Variants in SNX16 observed in about 807,000 individuals in gnomAD.
The protein encoded by SNX16 is sorting nexin 16, also known as sorting nexin-16.
A neutral mutation model predicts 36.7 loss-of-function variants in SNX16; 35 were observed. That is an observed-to-expected ratio of 0.95 (90% confidence interval 0.73 to 1.27). The LOEUF is 1.27. SNX16 is among the 50% of genes most tolerant of loss of function. The pLI, the probability that SNX16 is intolerant of heterozygous loss-of-function variation, is 0.00. For missense variants in SNX16, 367 were observed against 393.6 expected (o/e 0.93, Z 0.57); for synonymous variants, 134 against 132.0 (o/e 1.02, Z -0.10).
chr8:81,813,488 A>C (rs1034621638), intron 5 of SNX16, among the ~76,000 whole-genome samples: 4 of 151,334 alleles, frequency 2.6e-5, no homozygotes, highest in African/African-American at 9.7e-5. Flanking sequence ...TAAAATTAAA[A>C]ATATATATAT....
chr8:81,814,147 T>A (rs757937118), intron 5 of SNX16, among the ~76,000 whole-genome samples: 1 of 151,960 alleles, frequency 6.6e-6, no homozygotes, highest in Non-Finnish European at 1.5e-5. Flanking sequence ...ACTCATAATA[T>A]CACAAAACTG....
At chr8:81,822,960 A>ATG (rs1339488210) in intron 4 of SNX16, among the ~76,000 whole-genome samples, 1,599 of 59,174 alleles carry the variant, frequency 0.027, 35 homozygotes, top group African/African-American at 0.1. Flanking sequence ...ATATATATAT[A>ATG]TATATATATA....
chr8:81,824,480 T>C (rs1301554341), intron 3 of SNX16, among the ~76,000 whole-genome samples: 2 of 152,184 alleles, frequency 1.3e-5, no homozygotes. Flanking sequence ...TTAATTTTAA[T>C]GTTATTTAAT....
rs1809670915 is a variant in SNX16, at chr8:81,801,218, A to AT, written c.*278dup. ...AATATATAGGCAAAACACCATAATA[A>AT]TTTATGCACAGTATTTAAGAATGTG... On this transcript the variant is annotated 3_prime_UTR_variant, in exon 8 of 8. Coordinates refer to ENST00000345957, the MANE Select transcript of SNX16 (RefSeq NM_152836.3). 2 of 247,702 alleles carry AT rather than the reference A, an allele frequency of 8.1e-6. No individual in the cohort carries two copies. Among genetic ancestry groups the AT allele is most frequent in the African/African-American group, 4.5e-5 (2 of 44,486 alleles). 15.3% of individuals were successfully genotyped at this position (247,702 alleles called of 1,614,324 possible). A position where few individuals can be genotyped will look rare whatever the true frequency, so the allele number is the denominator to read the frequency against.
At chr8:81,830,528 A>C (rs190694375) in intron 2 of SNX16, among the ~76,000 whole-genome samples, 5 of 149,032 alleles carry the variant, frequency 3.4e-5, no homozygotes, top group South Asian at 4.3e-4. Context: ...CTGACATTGC[A>C]CCACTGCACT....
chr8:81,838,437 G>T (rs564447547), intron 2 of SNX16, among the ~76,000 whole-genome samples: 56 of 152,138 alleles, frequency 3.7e-4, no homozygotes, highest in African/African-American at 1.3e-3. Flanking sequence ...TGTGAAATTA[G>T]TAAAGGATGA....
intron 2 of SNX16, 40 bp downstream of exon 2, chr8:81,839,572 T>G (rs1193860925): frequency 6.5e-7 from 1 of 1,533,554 alleles, no homozygotes; most frequent in South Asian, 1.3e-5. Context: ...TTAGCCAATC[T>G]TTCACTTTGT....
At chr8:81,819,205 T>C (rs1257102468) in intron 4 of SNX16, among the ~76,000 whole-genome samples, 1 of 152,090 alleles carries the variant, frequency 6.6e-6, no homozygotes, top group Non-Finnish European at 1.5e-5. Context: ...GCATGTAAGA[T>C]ACATGTGAAG....
chr8:81,823,824 T>C lies in SNX16; in HGVS notation c.579A>G (p.Gln193=). ...DRQLGLQAFL[Q]NLVAHKDIAN... Reference sequence around the variant, plus strand: ...CAATGTCCTTGTGAGCTACTAAATTTTGAAGAAACGCTTGTAATCCTAATT... The same window carrying C: ...CAATGTCCTTGTGAGCTACTAAATTCTGAAGAAACGCTTGTAATCCTAATT... The change falls in exon 4 of 8, where the codon CAA becomes CAG. Residue 193 remains glutamine (Q), a synonymous_variant. Coordinates refer to ENST00000345957, the MANE Select transcript of SNX16 (RefSeq NM_152836.3). The C allele has an allele frequency of 1.2e-6, 2 of 1,610,732 alleles. No homozygotes were observed.
chr8:81,809,760 G>A (rs910454957), intron 5 of SNX16, among the ~76,000 whole-genome samples: 21 of 152,216 alleles, frequency 1.4e-4, no homozygotes, highest in Non-Finnish European at 2.6e-4. Context: ...AATTTGGGGT[G>A]TAATTTTAGC....
At chr8:81,821,210 C>G (rs776394202) in intron 4 of SNX16, among the ~76,000 whole-genome samples, 3 of 151,472 alleles carry the variant, frequency 2.0e-5, no homozygotes, top group Non-Finnish European at 4.4e-5. Context: ...AGAAACCTTT[C>G]TTTGCCTAAA....
intron 3 of SNX16, among the ~76,000 whole-genome samples, chr8:81,827,439 G>A (rs900673865): frequency 5.3e-5 from 8 of 151,934 alleles, no homozygotes; most frequent in Non-Finnish European, 1.2e-4. Flanking sequence ...GTAACTTCAT[G>A]AATTGCTTTT....
At chr8:81,829,390 C>A in intron 3 of SNX16, 40 bp downstream of exon 3, 2 of 951,254 alleles carry the variant, frequency 2.1e-6, no homozygotes, top group South Asian at 2.6e-5. Context: ...GAAAAGAATT[C>A]AAAACTGAAA....
chr8:81,838,199 C>A (rs1811578873), intron 2 of SNX16, among the ~76,000 whole-genome samples: 1 of 151,874 alleles, frequency 6.6e-6, no homozygotes, highest in African/African-American at 2.4e-5. Context: ...GAACCCTGCA[C>A]CAAAAACAAC....
intron 1 of SNX16, 34 bp from the exon 2 acceptor site, chr8:81,840,116 C>T (rs1811678836): frequency 2.0e-6 from 2 of 1,022,152 alleles, no homozygotes; most frequent in African/African-American, 1.6e-5. Flanking sequence ...AAAGGTTAGT[C>T]TTTAATGTGC....
chr8:81,838,887 T>C (rs868627662), intron 2 of SNX16, among the ~76,000 whole-genome samples: 1 of 151,406 alleles, frequency 6.6e-6, no homozygotes, highest in Non-Finnish European at 1.5e-5. Context: ...ATATCCAAAG[T>C]GCACAGAAAA....
At chr8:81,829,308 TTAA>T in intron 3 of SNX16, 119 bp downstream of exon 3, 3 of 369,632 alleles carry the variant, frequency 8.1e-6, no homozygotes, top group Non-Finnish European at 4.7e-6. Context: ...ATTTAAAAAA[TTAA>T]TTTTCTTATG....
chr8:81,809,194 G>C (rs1227739893), intron 5 of SNX16, among the ~76,000 whole-genome samples: 1 of 152,092 alleles, frequency 6.6e-6, no homozygotes, highest in Non-Finnish European at 1.5e-5. Flanking sequence ...CTGCTTGGGT[G>C]GGGAAGTCAT....
intron 4 of SNX16, among the ~76,000 whole-genome samples, chr8:81,822,634 A>T (rs1810798348): frequency 6.6e-6 from 1 of 151,852 alleles, no homozygotes; most frequent in African/African-American, 2.4e-5. Context: ...CTTGCAAGGG[A>T]AATGTTAAGG....
Sources: gnomAD v4.1 joint callset for allele counts (sites outside exome capture counted in the v4.1 genomes callset) on GRCh38, gnomAD v4.1.1 for gene constraint, MANE v1.5 for transcripts, NCBI Gene and HGNC (gene_info 2026-07-23, HGNC 2026-07-21) for gene names.